The following ATXN1 variants were observed in gnomAD, a reference collection of about 807,000 sequenced individuals.
ATXN1 encodes the protein ataxin-1.
A neutral mutation model predicts 56.4 loss-of-function variants in ATXN1; 8 were observed. The observed-to-expected ratio is 0.14, with a 90% CI of 0.08 to 0.26. The LOEUF (loss-of-function observed/expected upper bound fraction) is 0.26. Among genes scored for constraint, ATXN1 ranks in the 10% least tolerant of loss-of-function variants. The pLI, the probability that ATXN1 is intolerant of heterozygous loss-of-function variation, is 1.00. For synonymous variants in ATXN1, 514 were observed against 494.6 expected (o/e 1.04, Z -0.52); for missense variants, 987 against 1,106.5 (o/e 0.89, Z 1.53).
At chr6:16,314,827 T>C (rs1581683478) in intron 7 of ATXN1, among the ~76,000 whole-genome samples, 1 of 152,092 alleles carries the variant, frequency 6.6e-6, no homozygotes, top group Non-Finnish European at 1.5e-5. Context: ...GCCAGGCTGG[T>C]CTTGAACTCC....
At chr6:16,542,695 C>T (rs144605739) in intron 4 of ATXN1, among the ~76,000 whole-genome samples, 21 of 152,304 alleles carry the variant, frequency 1.4e-4, no homozygotes, top group Non-Finnish European at 2.8e-4. Flanking sequence ...GTCCTCCCAT[C>T]CATGGAGGAT....
chr6:16,541,576 C>T (rs947660232), intron 4 of ATXN1, among the ~76,000 whole-genome samples: 3 of 152,154 alleles, frequency 2.0e-5, no homozygotes, highest in South Asian at 4.1e-4. Context: ...TAGAACTGGA[C>T]GCCTTTGAGA....
intron 6 of ATXN1, among the ~76,000 whole-genome samples, chr6:16,395,270 C>CA (rs748314030): frequency 0.053 from 2,553 of 47,932 alleles, 69 homozygotes; most frequent in Middle Eastern, 0.098. Context: ...AACTCCGTCT[C>CA]AAAAAAAAAA....
chr6:16,336,975 G>A (rs908886248), intron 6 of ATXN1, among the ~76,000 whole-genome samples: 9 of 152,102 alleles, frequency 5.9e-5, no homozygotes, highest in African/African-American at 4.8e-5. Flanking sequence ...AGTCTCATTC[G>A]GGTGGTCGCT....
intron 2 of ATXN1, among the ~76,000 whole-genome samples, chr6:16,671,309 CTTT>C (rs1004376884): frequency 3.4e-5 from 1 of 29,700 alleles, no homozygotes. Context: ...TCTTTTCTTT[CTTT>C]TTTTTTTTTT....
chr6:16,632,122 C>G (rs1389997035), intron 3 of ATXN1, among the ~76,000 whole-genome samples: 5 of 152,110 alleles, frequency 3.3e-5, no homozygotes, highest in African/African-American at 9.7e-5. Flanking sequence ...CTTCCTTTTC[C>G]TCTCTGGCCA....
chr6:16,347,617 G>A (rs529494522), intron 6 of ATXN1, among the ~76,000 whole-genome samples: 2 of 152,286 alleles, frequency 1.3e-5, no homozygotes, highest in Admixed American at 1.3e-4. Context: ...TCTGTATCTA[G>A]CTACTCTGGT....
intron 4 of ATXN1, among the ~76,000 whole-genome samples, chr6:16,557,508 A>T (rs1762037345): frequency 6.6e-6 from 1 of 152,304 alleles, no homozygotes; most frequent in Admixed American, 6.5e-5. Flanking sequence ...AATACAAATT[A>T]GAAAGCTAAT....
At chr6:16,433,591 C>T (rs149735716) in intron 6 of ATXN1, among the ~76,000 whole-genome samples, 4 of 152,150 alleles carry the variant, frequency 2.6e-5, no homozygotes, top group Admixed American at 2.0e-4. Flanking sequence ...GTTTTAATGC[C>T]GTTGGGGCTA....
rs146959836 is a variant in ATXN1 at position 16,735,604 on chromosome 6, C to T, written c.-615+17629G>A. On this transcript the variant is annotated intron_variant, in intron 2 of 7. Coordinates refer to ENST00000436367, the MANE Select transcript of ATXN1 (RefSeq NM_001128164.2). ...ATAAGAGAAGACCAAAATTCTGTCT[C>T]GGGGTACAGACAAAATCCAGCAGTA... 6.6e-5 allele frequency among the ~76,000 whole-genome samples: 10 copies of T among 152,140 alleles called. No individual in the cohort carries two copies. In the East Asian group the frequency reaches 1.9e-3, roughly 29 times the overall value.
intron 6 of ATXN1, among the ~76,000 whole-genome samples, chr6:16,338,807 G>T (rs1231578118): frequency 6.6e-6 from 1 of 152,058 alleles, no homozygotes; most frequent in Non-Finnish European, 1.5e-5. Flanking sequence ...TCACATCTGT[G>T]ATAGAAAAAG....
intron 6 of ATXN1, among the ~76,000 whole-genome samples, chr6:16,427,004 T>C (rs942083775): frequency 6.6e-6 from 1 of 151,832 alleles, no homozygotes; most frequent in Admixed American, 6.6e-5. Context: ...CCCTCACCAA[T>C]AAAGTCTATT....
At chr6:16,418,143 T>C (rs146937752) in intron 6 of ATXN1, among the ~76,000 whole-genome samples, 43 of 152,372 alleles carry the variant, frequency 2.8e-4, no homozygotes, top group African/African-American at 1.0e-3. Context: ...TGGCACATAA[T>C]AGGTGCTTAA....
intron 2 of ATXN1, among the ~76,000 whole-genome samples, chr6:16,704,997 C>T (rs1416150173): frequency 6.6e-6 from 1 of 152,214 alleles, no homozygotes; most frequent in Admixed American, 6.5e-5. Flanking sequence ...CCTCAGGCCT[C>T]ACCTCTCTCA....
chr6:16,707,370 A>G lies in ATXN1; in HGVS notation c.-615+45863T>C, dbSNP rs186404404. Among the ~76,000 whole-genome samples, 111 of 152,184 alleles carry G rather than the reference A, an allele frequency of 7.3e-4. No homozygotes were observed. In the Middle Eastern group the frequency reaches 0.01, roughly 14 times the overall value. On this transcript the variant is annotated intron_variant, in intron 2 of 7. Transcript: ENST00000436367. Reference sequence around the variant, plus strand: ...GCACCATCAACTTCTCTTTTTCTCAAACTCCTCAAATACAACACCAAATCC... The same window carrying G: ...GCACCATCAACTTCTCTTTTTCTCAGACTCCTCAAATACAACACCAAATCC...
intron 7 of ATXN1, among the ~76,000 whole-genome samples, chr6:16,324,519 T>C (rs961714509): frequency 6.6e-6 from 1 of 152,184 alleles, no homozygotes; most frequent in African/African-American, 2.4e-5. Context: ...CTTGTTTTAT[T>C]TTATCTGAAT....
At chr6:16,370,910 G>A (rs1372019337) in intron 6 of ATXN1, among the ~76,000 whole-genome samples, 1 of 152,192 alleles carries the variant, frequency 6.6e-6, no homozygotes, top group Non-Finnish European at 1.5e-5. Context: ...TAAATTAATG[G>A]AGCTAAATAT....
chr6:16,638,060 A>C (rs1376455370), intron 3 of ATXN1, among the ~76,000 whole-genome samples: 1 of 152,122 alleles, frequency 6.6e-6, no homozygotes, highest in Non-Finnish European at 1.5e-5. Flanking sequence ...ACATATTCAT[A>C]ATCAGGGGTG....
At chr6:16,540,431 C>T (rs1333384107) in intron 4 of ATXN1, among the ~76,000 whole-genome samples, 5 of 152,106 alleles carry the variant, frequency 3.3e-5, no homozygotes, top group Admixed American at 2.0e-4. Context: ...AGGATGGTCT[C>T]GAACTCCTGA....
Sources: gnomAD v4.1 joint callset for allele counts (sites outside exome capture counted in the v4.1 genomes callset) on GRCh38, gnomAD v4.1.1 for gene constraint, MANE v1.5 for transcripts, NCBI Gene and HGNC (gene_info 2026-07-23, HGNC 2026-07-21) for gene names.